WDR43: variants seen among roughly 807,000 people sequenced by gnomAD.
WDR43 encodes the protein WD repeat domain 43.
Under a neutral mutation model 91.4 loss-of-function variants are expected in WDR43, and 13 were observed. The ratio of observed to expected loss-of-function variants is 0.14; its 90% CI spans 0.09 to 0.23. The LOEUF is 0.23. Ranked by LOEUF, WDR43 falls within the 10% of genes least tolerant of loss-of-function variation. WDR43 has a pLI of 1.00. For synonymous variants in WDR43, 331 were observed against 287.9 expected, an observed-to-expected ratio of 1.15 and a Z score of -1.51; for missense variants, 780 against 809.4, an observed-to-expected ratio of 0.96 and a Z score of 0.44.
chr2:28,905,214 A>T (rs1055241295), intron 2 of WDR43, among the ~76,000 whole-genome samples: 2 of 152,176 alleles, frequency 1.3e-5, no homozygotes, highest in Admixed American at 1.3e-4. Context: ...ATACTAGGGG[A>T]TAATGGATAA....
Position 28,906,619 on chromosome 2 carries a change from G to T in WDR43, c.485+38G>T, listed in dbSNP as rs372728966. 333 of 1,596,678 alleles carry T rather than the reference G, an allele frequency of 2.1e-4. 5 individuals carry two copies. In the South Asian group the frequency reaches 2.2e-3, roughly 11 times the overall value. On this transcript the variant is annotated intron_variant, in intron 3 of 17. Transcript: ENST00000407426. Reference sequence around the variant, plus strand: ...CATGGTATCAGGAAATGCAATAGACGTGGATAAATGCTGGACTTGTGGGGA... The same window carrying T: ...CATGGTATCAGGAAATGCAATAGACTTGGATAAATGCTGGACTTGTGGGGA...
Position 28,927,556 on chromosome 2 carries a change from T to G in WDR43, c.1174-13T>G, listed in dbSNP as rs1432119857. On this transcript the variant is annotated splice_polypyrimidine_tract_variant and intron_variant, in intron 9 of 17. Transcript: ENST00000407426. ...ATTTCCTTTTTCACACTTTGGCTATTCCTGTTGAACAGGTGAGGACACCAG... is the reference window on the plus strand; with the variant it reads ...ATTTCCTTTTTCACACTTTGGCTATGCCTGTTGAACAGGTGAGGACACCAG... The G allele has an allele frequency of 6.2e-7, 1 of 1,611,708 alleles. No homozygotes were observed. The highest frequency in any genetic ancestry group is 2.2e-5 in the East Asian group (1 of 44,854).
chr2:28,938,016 T>G (rs1671365435), intron 14 of WDR43, 22 bp downstream of exon 14: 1 of 1,611,246 alleles, frequency 6.2e-7, no homozygotes, highest in Non-Finnish European at 8.5e-7. Context: ...CAGCTTCTGT[T>G]GCCGAGTATG....
intron 1 of WDR43, among the ~76,000 whole-genome samples, chr2:28,899,428 A>C (rs1030368223): frequency 2.6e-5 from 4 of 152,178 alleles, no homozygotes; most frequent in African/African-American, 9.7e-5. Context: ...GGTGAGTAGG[A>C]AAGGTCCCCT....
Position 28,925,007 on chromosome 2 carries a change from A to T in WDR43, c.940A>T (p.Asn314Tyr). ...GTACTGCAAAAAGCCTTTGACTTCA[A>T]ACTGCACAATTCAGATAGCAACACC... ...NGYCKKPLTS[N>Y]CTIQIATPGK... The change falls in exon 8 of 18, where the codon AAC becomes TAC. Residue 314 changes from asparagine to tyrosine, a missense_variant. Physicochemically the swap from Asn to Tyr is moderately radical, Grantham distance 143 (BLOSUM62 -2). This residue lies in a region of WDR43 where 426 missense variants were observed against 467.8 expected (regional missense o/e 0.91). Transcript: ENST00000407426. The T allele has an allele frequency of 6.2e-7, 1 of 1,612,816 alleles. No individual in the cohort carries two copies. Among genetic ancestry groups the T allele is most frequent in the Non-Finnish European group, 8.5e-7 (1 of 1,179,546 alleles).
At chr2:28,925,575 T>G (rs2148191332) in intron 8 of WDR43, among the ~76,000 whole-genome samples, 1 of 152,350 alleles carries the variant, frequency 6.6e-6, no homozygotes, top group South Asian at 2.1e-4. Flanking sequence ...CTCTTAGTAT[T>G]AGCACTCATT....
At chr2:28,928,379 G>A (rs1185860654) in intron 10 of WDR43, among the ~76,000 whole-genome samples, 1 of 151,882 alleles carries the variant, frequency 6.6e-6, no homozygotes, top group South Asian at 2.1e-4. Flanking sequence ...TGGTGGGGTG[G>A]GGATAACATA....
chr2:28,931,100 G>C (rs1671232854), intron 11 of WDR43, among the ~76,000 whole-genome samples: 1 of 138,456 alleles, frequency 7.2e-6, no homozygotes, highest in African/African-American at 2.6e-5. Flanking sequence ...TTTGGAGATA[G>C]AGTCTTGCTT....
At chr2:28,906,424 C>T (rs1454602036) in intron 2 of WDR43, 36 bp from the exon 3 acceptor site, 1 of 1,511,366 alleles carries the variant, frequency 6.6e-7, no homozygotes, top group East Asian at 2.5e-5. Flanking sequence ...GAGTTTGAGA[C>T]CAGCCTTAAA....
intron 3 of WDR43, among the ~76,000 whole-genome samples, chr2:28,909,173 T>C (rs1002155191): frequency 5.3e-5 from 8 of 152,140 alleles, no homozygotes; most frequent in African/African-American, 1.2e-4. Context: ...AGTTTCGCTC[T>C]TGTTGCCCAG....
intron 9 of WDR43, 77 bp downstream of exon 9, chr2:28,926,631 G>T (rs947560823): frequency 7.2e-6 from 9 of 1,250,962 alleles, no homozygotes; most frequent in Admixed American, 2.6e-5. Context: ...TTAGTATTAT[G>T]ATTAAACTGA....
intron 7 of WDR43, among the ~76,000 whole-genome samples, chr2:28,923,343 C>T (rs1488212693): frequency 6.6e-6 from 1 of 152,144 alleles, no homozygotes; most frequent in Admixed American, 6.5e-5. Context: ...TTTTGATAGA[C>T]AGGGGAGTAT....
chr2:28,933,054 A>C (rs897580634), intron 11 of WDR43, among the ~76,000 whole-genome samples: 3 of 152,146 alleles, frequency 2.0e-5, no homozygotes, highest in Non-Finnish European at 4.4e-5. Flanking sequence ...GGGGTCAAGA[A>C]TTCTCCCCAA....
rs548428492 is a variant in WDR43, at chr2:28,900,269, C to A, written c.226-1718C>A. ...GTGGCAGGATCTCGGCTCACTGCAA[C>A]CTCTGCCTCCCGGGTTCAAGCAATT... is the stretch of plus-strand genomic sequence containing the variant. On this transcript the variant is annotated intron_variant, in intron 1 of 17. Transcript: ENST00000407426. Among the ~76,000 whole-genome samples the A allele has an allele frequency of 3.3e-4, 50 of 152,164 alleles. No homozygotes were observed. The South Asian group carries it at 0.01, about 31-fold the overall frequency.
intron 11 of WDR43, 141 bp from the exon 12 acceptor site, chr2:28,935,380 T>C (rs565122462): frequency 1.8e-6 from 1 of 555,620 alleles, no homozygotes; most frequent in South Asian, 2.5e-5. Context: ...CTCCAACCTT[T>C]ATTTTTGCTA....
chr2:28,920,042 T>C (rs985717851), intron 6 of WDR43, among the ~76,000 whole-genome samples: 3 of 151,884 alleles, frequency 2.0e-5, no homozygotes, highest in African/African-American at 7.3e-5. Flanking sequence ...TTTTGCCATG[T>C]TGGCCAGCCT....
intron 11 of WDR43, chr2:28,929,984 A>G (rs1671211438): frequency 1.8e-6 from 1 of 545,250 alleles, no homozygotes; most frequent in African/African-American, 1.9e-5. Context: ...AGTTCATAAA[A>G]GCCTTTATAA....
chr2:28,924,342 G>T (rs928085017), intron 7 of WDR43, among the ~76,000 whole-genome samples: 2 of 152,174 alleles, frequency 1.3e-5, no homozygotes, highest in African/African-American at 4.8e-5. Context: ...CGGCAGGAGG[G>T]AGTGGTAGCT....
rs752131359 is a variant in WDR43 at position 28,929,644 on chromosome 2, C to T, written c.1371C>T (p.Leu457=). The change falls in exon 11 of 18, where the codon CTC becomes CTT. Residue 457 remains leucine (L), a synonymous_variant. Coordinates refer to ENST00000407426, the MANE Select transcript of WDR43 (RefSeq NM_015131.3). ...IDTHKKGKED[L]QTNSFPVLLT... is the part of the protein sequence containing the mutation. ...CACACAAAAAAGGAAAGGAAGACCT[C>T]CAGACGAATAGCTTTCCAGTTCTTC... 2.7e-5 allele frequency: 43 copies of T among 1,613,620 alleles called. No individual in the cohort carries two copies. The African/African-American group carries it at 4.1e-4, about 16-fold the overall frequency.
Sources: gnomAD v4.1 joint callset for allele counts (sites outside exome capture counted in the v4.1 genomes callset) on GRCh38, gnomAD v4.1.1 for gene constraint, gnomAD v4.1.1 regional missense constraint, MANE v1.5 for transcripts, NCBI Gene and HGNC (gene_info 2026-07-23, HGNC 2026-07-21) for gene names.